Variants in INPP5D observed in about 807,000 individuals in gnomAD.
The protein encoded by INPP5D is phosphatidylinositol 3,4,5-trisphosphate 5-phosphatase 1.
A neutral mutation model predicts 122.9 loss-of-function variants in INPP5D; 33 were observed. The observed-to-expected ratio is 0.27, with a 90% CI of 0.20 to 0.36. INPP5D has a LOEUF of 0.36. Among genes scored for constraint, INPP5D ranks in the 10% least tolerant of loss-of-function variants. The probability of loss-of-function intolerance (pLI) is 1.00; values close to 1 mark genes in which losing one functional copy is unlikely to be tolerated. For missense variants in INPP5D, 1,053 were observed against 1,412.7 expected (o/e 0.75, Z 4.08); for synonymous variants, 584 against 576.2 (o/e 1.01, Z -0.19).
In INPP5D at chr2:233,105,229, G is replaced by A. The variant is rs1559293873; in HGVS notation, c.199-16878G>A. ...GCAGGGGGGCGGTCAGTGGGTCCCAGGGAACTGGGTAGGACAGCAGCTGCG... is the reference window on the plus strand; with the variant it reads ...GCAGGGGGGCGGTCAGTGGGTCCCAAGGAACTGGGTAGGACAGCAGCTGCG... On this transcript the variant is annotated intron_variant, in intron 2 of 26. Transcript: ENST00000445964. This position sits in a 1 kb window ranked among gnomAD's most constrained non-coding sequence, Gnocchi z 4.0. Among the ~76,000 whole-genome samples the A allele has an allele frequency of 6.6e-6, 1 of 152,164 alleles. No homozygotes were observed. Among genetic ancestry groups the A allele is most frequent in the Non-Finnish European group, 1.5e-5 (1 of 68,022 alleles).
At chr2:233,137,094 C>T (rs1693483215) in intron 5 of INPP5D, among the ~76,000 whole-genome samples, 1 of 152,020 alleles carries the variant, frequency 6.6e-6, no homozygotes, top group Non-Finnish European at 1.5e-5. Flanking sequence ...GATTTAAATC[C>T]AAAAAGCTAA....
chr2:233,096,538 G>A (rs1320001044), intron 2 of INPP5D, among the ~76,000 whole-genome samples: 2 of 152,104 alleles, frequency 1.3e-5, no homozygotes, highest in Admixed American at 6.5e-5. Context: ...TGTAACCCCA[G>A]CTACTCAGGA....
At chr2:233,062,389 A>G (rs985446069) in intron 1 of INPP5D, among the ~76,000 whole-genome samples, 1 of 152,208 alleles carries the variant, frequency 6.6e-6, no homozygotes, top group African/African-American at 2.4e-5. Flanking sequence ...GAGGCCTTGG[A>G]GAAGCTCTGG....
rs1159145208 is a variant in INPP5D at position 233,100,612 on chromosome 2, G to GCT, written c.198+21223_198+21224dup. Among the ~76,000 whole-genome samples, 2 of 152,184 alleles carry GCT rather than the reference G, an allele frequency of 1.3e-5. No individual in the cohort carries two copies. Among genetic ancestry groups the GCT allele is most frequent in the East Asian group, 3.9e-4 (2 of 5,188 alleles). ...CCCCGGTTGAGCTCGCTCACCCAGA[G>GCT]CTCTCTCTCTTCCCTGGGATGAGGC... is the stretch of plus-strand genomic sequence containing the variant. On this transcript the variant is annotated intron_variant, in intron 2 of 26. Coordinates refer to ENST00000445964, the MANE Select transcript of INPP5D (RefSeq NM_001017915.3). The surrounding 1 kb of genome is among the most constrained non-coding windows in gnomAD (Gnocchi z 5.3).
intron 2 of INPP5D, among the ~76,000 whole-genome samples, chr2:233,083,204 C>G (rs1691737083): frequency 6.6e-6 from 1 of 152,178 alleles, no homozygotes; most frequent in Non-Finnish European, 1.5e-5. Flanking sequence ...CCTCCCAGCA[C>G]AAGGAAGCTG....
At chr2:233,118,870 C>T (rs887447779) in intron 2 of INPP5D, among the ~76,000 whole-genome samples, 2 of 152,254 alleles carry the variant, frequency 1.3e-5, no homozygotes, top group African/African-American at 4.8e-5. Flanking sequence ...TGCATTCTCT[C>T]CCTTCCTGGG....
At chr2:233,148,065 T>A (rs36173458) in intron 9 of INPP5D, among the ~76,000 whole-genome samples, 9,470 of 152,306 alleles carry the variant, frequency 0.062, 575 homozygotes, top group South Asian at 0.18. Context: ...GTGGCCACTT[T>A]GAGAGTCAGC....
At chr2:233,169,900 G>A in intron 14 of INPP5D, 126 bp from the exon 15 acceptor site, 2 of 1,536,368 alleles carry the variant, frequency 1.3e-6, no homozygotes, top group Non-Finnish European at 1.8e-6. Flanking sequence ...GGGCTGGAGG[G>A]CTAAGTCTCA....
At chr2:233,081,133 C>T (rs748247835) in intron 2 of INPP5D, among the ~76,000 whole-genome samples, 1 of 152,234 alleles carries the variant, frequency 6.6e-6, no homozygotes, top group Non-Finnish European at 1.5e-5. Context: ...GTTGGCACAC[C>T]TAGTACGAGA....
At chr2:233,085,680 A>G (rs1559281952) in intron 2 of INPP5D, among the ~76,000 whole-genome samples, 1 of 152,080 alleles carries the variant, frequency 6.6e-6, no homozygotes, top group Non-Finnish European at 1.5e-5. Context: ...CCCCTGAGAA[A>G]GCCAAGCCTC....
intron 22 of INPP5D, among the ~76,000 whole-genome samples, chr2:233,190,197 C>T (rs892998839): frequency 3.9e-5 from 6 of 152,190 alleles, no homozygotes; most frequent in African/African-American, 1.4e-4. Flanking sequence ...AGGCACTTTC[C>T]AGTATCATGT....
chr2:233,125,960 T>C (rs762462811), intron 4 of INPP5D, 41 bp downstream of exon 4: 81 of 1,592,440 alleles, frequency 5.1e-5, no homozygotes, highest in Non-Finnish European at 6.6e-5. Flanking sequence ...TCATCTGCAG[T>C]GAGCCCAGCC....
intron 2 of INPP5D, among the ~76,000 whole-genome samples, chr2:233,117,125 A>G (rs912723940): frequency 3.3e-5 from 5 of 152,050 alleles, no homozygotes; most frequent in African/African-American, 9.7e-5. Context: ...TTGGGCCTTC[A>G]TGGTTTCCTT....
Position 233,197,103 on chromosome 2 carries a change from G to A in INPP5D, c.2694-992G>A, listed in dbSNP as rs1005508461. ...TTTATTTCTGAAGCAGGCAGTGGTG[G>A]ATGGGAACAAGGTACAGCTCGGAAC... On this transcript the variant is annotated intron_variant, in intron 24 of 26. Transcript: ENST00000445964. The surrounding 1 kb of genome is among the most constrained non-coding windows in gnomAD (Gnocchi z 4.4). Among the ~76,000 whole-genome samples, 1 of 152,206 alleles carries A rather than the reference G, an allele frequency of 6.6e-6. No homozygotes were observed. The highest frequency in any genetic ancestry group is 6.5e-5 in the Admixed American group (1 of 15,280).
intron 2 of INPP5D, among the ~76,000 whole-genome samples, chr2:233,089,861 A>C (rs1336073015): frequency 6.6e-6 from 1 of 152,220 alleles, no homozygotes; most frequent in Non-Finnish European, 1.5e-5. Context: ...TTGAGGGAGA[A>C]GCGTCTCAGG....
At chr2:233,193,424 C>T (rs10203185) in intron 22 of INPP5D, among the ~76,000 whole-genome samples, 58,289 of 152,000 alleles carry the variant, frequency 0.38, 11,382 homozygotes, top group South Asian at 0.44. Flanking sequence ...GATACTGTTC[C>T]CAATCCGTTT....
At chr2:233,178,554 CT>C (rs1452695794) in intron 18 of INPP5D, among the ~76,000 whole-genome samples, 1 of 152,018 alleles carries the variant, frequency 6.6e-6, no homozygotes, top group African/African-American at 2.4e-5. Context: ...AAAATCTCGG[CT>C]CCCTGCAACC....
intron 1 of INPP5D, among the ~76,000 whole-genome samples, chr2:233,077,786 G>T (rs1691563597): frequency 6.6e-6 from 1 of 151,904 alleles, no homozygotes; most frequent in Non-Finnish European, 1.5e-5. Flanking sequence ...CTTGAACCTG[G>T]GAGGCAGAGG....
At chr2:233,124,441 C>T (rs1693092214) in intron 3 of INPP5D, among the ~76,000 whole-genome samples, 1 of 152,222 alleles carries the variant, frequency 6.6e-6, no homozygotes, top group African/African-American at 2.4e-5. Flanking sequence ...AGGACCGCAG[C>T]TCCATGGAGG....
Sources: gnomAD v4.1 joint callset for allele counts (sites outside exome capture counted in the v4.1 genomes callset) on GRCh38, gnomAD v4.1.1 for gene constraint, Gnocchi (gnomAD v3.1) non-coding constraint, MANE v1.5 for transcripts, NCBI Gene and HGNC (gene_info 2026-07-23, HGNC 2026-07-21) for gene names.